The following CDH23 variants were observed in gnomAD, a reference collection of about 807,000 sequenced individuals.
CDH23 encodes cadherin-23.
In CDH23, 189 loss-of-function variants were observed where a neutral mutation model predicts 317.1. The observed-to-expected ratio is 0.60, with a 90% CI of 0.53 to 0.67. The LOEUF is 0.67. CDH23 is among the 30% of genes least tolerant of loss of function. The pLI is 0.00. For synonymous variants in CDH23, 1,839 were observed against 1,876.8 expected (o/e 0.98, Z 0.52); for missense variants, 4,401 against 4,592.4 (o/e 0.96, Z 1.20).
chr10:71,577,095 C>T (rs1451904822), intron 8 of CDH23, among the ~76,000 whole-genome samples: 1 of 152,182 alleles, frequency 6.6e-6, no homozygotes, highest in African/African-American at 2.4e-5. Flanking sequence ...AGGTGGACTT[C>T]TCCCCTTTTT....
intron 27 of CDH23, chr10:71,711,764 C>T (rs1865977849): frequency 6.6e-6 from 1 of 152,138 alleles, no homozygotes; most frequent in Non-Finnish European, 1.5e-5. Flanking sequence ...CATGAGAAAT[C>T]AGAAGATCTG....
chr10:71,609,995 T>TGAGAGA lies in CDH23; in HGVS notation c.833-5506_833-5501dup, dbSNP rs57981317. 4.0e-3 allele frequency among the ~76,000 whole-genome samples: 558 copies of TGAGAGA among 140,904 alleles called. 5 individuals carry two copies. The highest frequency in any genetic ancestry group is 0.014 in the African/African-American group (534 of 38,102). The allele number at this position is 140,904 out of a possible 152,430, so 92.4% of individuals were successfully genotyped here. A position where few individuals can be genotyped will look rare whatever the true frequency, so the allele number is the denominator to read the frequency against. Reference sequence around the variant, plus strand: ...GTGTGTGTGTGTGTGTGTGTGTGTGTGAGAGAGACAGAGAGACGAGAGAGA... The same window carrying TGAGAGA: ...GTGTGTGTGTGTGTGTGTGTGTGTGTGAGAGAGAGAGAGACAGAGAGACGAGAGAGA... On this transcript the variant is annotated intron_variant, in intron 9 of 69. Coordinates refer to ENST00000224721, the MANE Select transcript of CDH23 (RefSeq NM_022124.6).
intron 1 of CDH23, among the ~76,000 whole-genome samples, chr10:71,418,514 C>G (rs1160169847): frequency 2.6e-5 from 4 of 152,120 alleles, no homozygotes; most frequent in African/African-American, 9.7e-5. Context: ...CTTGTTAGCC[C>G]CAACTCAATC....
intron 38 of CDH23, chr10:71,761,997 G>A: frequency 6.2e-7 from 1 of 1,609,972 alleles, no homozygotes; most frequent in Middle Eastern, 1.7e-4. Flanking sequence ...AGGGAATACG[G>A]CGTGGCGACC....
intron 9 of CDH23, among the ~76,000 whole-genome samples, chr10:71,589,690 G>T (rs1439143673): frequency 6.6e-6 from 1 of 152,194 alleles, no homozygotes; most frequent in Non-Finnish European, 1.5e-5. Flanking sequence ...AGGAAGAAGG[G>T]TTGCCACCCG....
At chr10:71,501,313 G>C (rs555440766) in intron 3 of CDH23, among the ~76,000 whole-genome samples, 5 of 152,358 alleles carry the variant, frequency 3.3e-5, no homozygotes, top group Admixed American at 6.5e-5. Flanking sequence ...CAGAATGCTG[G>C]TTTCCTTTCC....
chr10:71,562,875 G>A (rs938545418), intron 6 of CDH23, among the ~76,000 whole-genome samples: 9 of 152,130 alleles, frequency 5.9e-5, no homozygotes, highest in South Asian at 2.1e-4. Flanking sequence ...TGTGGCTCTC[G>A]GCCTGTCATG....
chr10:71,803,274 A>C lies in CDH23; in HGVS notation c.7726A>C (p.Lys2576Gln), dbSNP rs1432498533. ...TTQRPLQSYE[K>Q]FSLTVVATDG... ...ACAGCGGCCACTGCAGTCCTACGAG[A>C]AGTTCAGTCTGACCGTGGTGGCCAC... Residue 2576 changes from lysine to glutamine, a missense_variant, in exon 55 of 70, where the codon AAG becomes CAG. Coordinates refer to ENST00000224721, the MANE Select transcript of CDH23 (RefSeq NM_022124.6). The C allele has an allele frequency of 1.3e-6, 2 of 1,592,578 alleles. No homozygotes were observed. Among genetic ancestry groups the C allele is most frequent in the African/African-American group, 2.7e-5 (2 of 74,320 alleles).
rs2132805690 is a variant in CDH23 at position 71,725,498 on chromosome 10, G to A, written c.3557G>A (p.Gly1186Asp). The change falls in exon 30 of 70, where the codon GGC (glycine) becomes GAC (aspartate). Residue 1186 changes from glycine (G) to aspartate (D), a missense_variant. Gly to Asp is a moderately conservative substitution (Grantham distance 94). This residue lies in a region of CDH23 where 3,068 missense variants were observed against 3,203.3 expected (regional missense o/e 0.96). Transcript: ENST00000224721. Reference sequence around the variant, plus strand: ...GTGGAGGCCTACAACCACGACCTGGGCCCCATGCGGAGCTCCGTCAGGGTG... The same window carrying A: ...GTGGAGGCCTACAACCACGACCTGGACCCCATGCGGAGCTCCGTCAGGGTG... ...LIVEAYNHDL[G>D]PMRSSVRVIV... The A allele has an allele frequency of 6.2e-7, 1 of 1,613,622 alleles. No individual in the cohort carries two copies. The highest frequency in any genetic ancestry group is 8.5e-7 in the Non-Finnish European group (1 of 1,179,756).
intron 11 of CDH23, among the ~76,000 whole-genome samples, chr10:71,621,749 G>A (rs1435587214): frequency 6.6e-6 from 1 of 152,222 alleles, no homozygotes; most frequent in African/African-American, 2.4e-5. Context: ...GCCGCCACCA[G>A]ATCGAAGATT....
chr10:71,533,562 CA>C lies in CDH23; in HGVS notation c.429+22351del, dbSNP rs1564637123. On this transcript the variant is annotated intron_variant, in intron 6 of 69. Transcript: ENST00000224721. ...ACACACACACACACACACACACACA[CA>C]CACACACTGGCTGGGGCTGCAGAGG... is the stretch of plus-strand genomic sequence containing the variant. Among the ~76,000 whole-genome samples, 512 of 137,244 alleles carry C rather than the reference CA, an allele frequency of 3.7e-3. 4 individuals are homozygous for C. The highest frequency in any genetic ancestry group is 8.3e-3 in the African/African-American group (321 of 38,530). The allele number at this position is 137,244 out of a possible 152,430, so 90.0% of individuals were successfully genotyped here. A position where few individuals can be genotyped will look rare whatever the true frequency, so the allele number is the denominator to read the frequency against.
At chr10:71,802,875 G>C in intron 53 of CDH23, 23 bp from the exon 54 acceptor site, 1 of 1,613,582 alleles carries the variant, frequency 6.2e-7, no homozygotes. Flanking sequence ...CCTTACCTTT[G>C]GCCTTGACCT....
chr10:71,784,343 C>A lies in CDH23; in HGVS notation c.5425C>A (p.Leu1809Met). 6.2e-7 allele frequency: 1 copy of A among 1,613,952 alleles called. No homozygotes were observed. The highest frequency in any genetic ancestry group is 8.5e-7 in the Non-Finnish European group (1 of 1,179,846). ...GCTAAGGGTCCGGAAGGACGTGGAGCTGGACCGGGAGACCATCGCCTTCTA... is the reference window on the plus strand; with the variant it reads ...GCTAAGGGTCCGGAAGGACGTGGAGATGGACCGGGAGACCATCGCCTTCTA... ...GVLRVRKDVELDRETIAFYNL... is the reference protein window; with the variant it reads ...GVLRVRKDVEMDRETIAFYNL... Residue 1809 changes from leucine (L) to methionine (M), a missense_variant, in exon 42 of 70, where the codon CTG (leucine) becomes ATG (methionine). Leu to Met is a conservative substitution (Grantham distance 15). Transcript: ENST00000224721.
chr10:71,777,943 A>C, intron 39 of CDH23, 42 bp downstream of exon 39: 1 of 1,602,146 alleles, frequency 6.2e-7, no homozygotes, highest in Non-Finnish European at 8.5e-7. Context: ...GGCGAAACCT[A>C]TCCAGGGATT....
At chr10:71,526,747 G>A (rs1432751982) in intron 6 of CDH23, among the ~76,000 whole-genome samples, 6 of 152,138 alleles carry the variant, frequency 3.9e-5, no homozygotes, top group Admixed American at 6.5e-5. Flanking sequence ...TGCGTCACTC[G>A]GGTGCTTTTT....
intron 22 of CDH23, among the ~76,000 whole-genome samples, chr10:71,697,654 A>G (rs1443041713): frequency 6.6e-6 from 1 of 152,002 alleles, no homozygotes; most frequent in African/African-American, 2.4e-5. Flanking sequence ...CCTGAGTGAC[A>G]GAGTGAGACC....
At chr10:71,708,352 T>G (rs1865862392) in intron 26 of CDH23, among the ~76,000 whole-genome samples, 1 of 152,190 alleles carries the variant, frequency 6.6e-6, no homozygotes, top group South Asian at 2.1e-4. Flanking sequence ...AGCCCAGTCC[T>G]GCCCAAGCTC....
intron 36 of CDH23, among the ~76,000 whole-genome samples, chr10:71,740,346 C>T (rs1019084525): frequency 2.0e-5 from 3 of 152,222 alleles, no homozygotes; most frequent in African/African-American, 7.2e-5. Context: ...GGAACAGGCT[C>T]AGCCATAGGG....
chr10:71,632,580 G>A (rs1278470320), intron 11 of CDH23, among the ~76,000 whole-genome samples: 1 of 152,182 alleles, frequency 6.6e-6, no homozygotes, highest in Non-Finnish European at 1.5e-5. Flanking sequence ...GCAGTTTAGA[G>A]TTCCAGCAAT....
Sources: gnomAD v4.1 joint callset for allele counts (sites outside exome capture counted in the v4.1 genomes callset) on GRCh38, gnomAD v4.1.1 for gene constraint, gnomAD v4.1.1 regional missense constraint, MANE v1.5 for transcripts, NCBI Gene and HGNC (gene_info 2026-07-23, HGNC 2026-07-21) for gene names.